The following EBF3 variants were observed in gnomAD, a reference collection of about 807,000 sequenced individuals.
The protein encoded by EBF3 is EBF transcription factor 3.
In EBF3, 18 loss-of-function variants were observed where a neutral mutation model predicts 77.1. That is an observed-to-expected ratio of 0.23 (90% CI 0.16 to 0.35). The LOEUF is 0.35. Among genes scored for constraint, EBF3 ranks in the 10% least tolerant of loss-of-function variants. The probability of loss-of-function intolerance (pLI) is 1.00; values close to 1 mark genes in which losing one functional copy is unlikely to be tolerated. For missense variants in EBF3, 558 were observed against 860.0 expected (o/e 0.65, Z 4.39); for synonymous variants, 350 against 343.5 (o/e 1.02, Z -0.21).
chr10:129,946,901 G>A (rs910394776), intron 6 of EBF3, among the ~76,000 whole-genome samples: 3 of 152,162 alleles, frequency 2.0e-5, no homozygotes, highest in Non-Finnish European at 2.9e-5. Context: ...GATAGTGATC[G>A]CTGGCCTCCC....
rs894785673 is a variant in EBF3 at position 129,885,416 on chromosome 10, G to A, written c.555-7567C>T. Among the ~76,000 whole-genome samples, 12 of 152,218 alleles carry A rather than the reference G, an allele frequency of 7.9e-5. No homozygotes were observed. In the East Asian group the frequency reaches 1.4e-3, roughly 17 times the overall value. On this transcript the variant is annotated intron_variant, in intron 6 of 16. Coordinates refer to ENST00000440978, the MANE Select transcript of EBF3 (RefSeq NM_001375380.1). This position sits in a 1 kb window ranked among gnomAD's most constrained non-coding sequence, Gnocchi z 4.0. ...CAAGCTTCGTCAGCCACCCCACTCC[G>A]CCCGCTGTCAGTGTTCTAGTTAGTA...
At chr10:129,926,988 C>T (rs545207697) in intron 6 of EBF3, among the ~76,000 whole-genome samples, 179 of 152,358 alleles carry the variant, frequency 1.2e-3, no homozygotes, top group African/African-American at 3.9e-3. Flanking sequence ...CATCCTCCAC[C>T]GTGGCCCCAG....
At chr10:129,877,662 C>T (rs539522923) in intron 7 of EBF3, 106 bp downstream of exon 7, 34 of 914,408 alleles carry the variant, frequency 3.7e-5, no homozygotes, top group East Asian at 1.3e-4. Context: ...TGCTTCCAAG[C>T]CCTTAAAGAA....
chr10:129,942,650 T>C lies in EBF3; in HGVS notation c.554+14608A>G, dbSNP rs541175633. Among the ~76,000 whole-genome samples the C allele has an allele frequency of 9.5e-4, 144 of 152,342 alleles. 6 individuals carry two copies. The South Asian group carries it at 0.029, about 30-fold the overall frequency. The stretch of plus-strand genomic sequence containing the variant: ...CACAGGGTGCATTCCAGAGATGGCC[T>C]CTCTGCTCTTTTACGCATGCCACGA... On this transcript the variant is annotated intron_variant, in intron 6 of 16. Transcript: ENST00000440978.
chr10:129,924,516 G>A (rs531734230), intron 6 of EBF3, among the ~76,000 whole-genome samples: 2 of 152,172 alleles, frequency 1.3e-5, no homozygotes, highest in East Asian at 3.9e-4. Flanking sequence ...ACCCCACTGT[G>A]GGTGTGGATG....
intron 6 of EBF3, among the ~76,000 whole-genome samples, chr10:129,930,544 T>C (rs936002520): frequency 1.4e-5 from 2 of 146,428 alleles, no homozygotes; most frequent in African/African-American, 2.6e-5. Context: ...CCCCCTCTCA[T>C]ATACCTATAT....
At chr10:129,877,688 T>C in intron 7 of EBF3, 80 bp downstream of exon 7, 1 of 1,257,664 alleles carries the variant, frequency 8.0e-7, no homozygotes, top group South Asian at 1.3e-5. Flanking sequence ...GATTACTTCC[T>C]GAACAGTTGC....
rs754352775 is a variant in EBF3, at chr10:129,897,294, G to A, written c.555-19445C>T. Reference sequence around the variant, plus strand: ...CCACTTTCCTGCAGGGACCTAGGAGGGTTGAAAGGAGATGAGGCCCATGGC... The same window carrying A: ...CCACTTTCCTGCAGGGACCTAGGAGAGTTGAAAGGAGATGAGGCCCATGGC... On this transcript the variant is annotated intron_variant, in intron 6 of 16. Transcript: ENST00000440978. The surrounding 1 kb of genome is among the most constrained non-coding windows in gnomAD (Gnocchi z 4.6). Among the ~76,000 whole-genome samples the A allele has an allele frequency of 2.0e-5, 3 of 152,176 alleles. No individual in the cohort carries two copies. The highest frequency in any genetic ancestry group is 4.8e-5 in the African/African-American group (2 of 41,444).
chr10:129,861,654 A>T lies in EBF3; in HGVS notation c.1039+5487T>A, dbSNP rs1220311536. ...GTGGCTGCAGGAGGGCCCACTGCAG[A>T]CAGGAACGAACAGTCAGCCACGGGG... is the stretch of plus-strand genomic sequence containing the variant. On this transcript the variant is annotated intron_variant, in intron 10 of 16. Coordinates refer to ENST00000440978, the MANE Select transcript of EBF3 (RefSeq NM_001375380.1). This position sits in a 1 kb window ranked among gnomAD's most constrained non-coding sequence, Gnocchi z 4.3. Among the ~76,000 whole-genome samples, 1 of 152,122 alleles carries T rather than the reference A, an allele frequency of 6.6e-6. No homozygotes were observed. The highest frequency in any genetic ancestry group is 1.5e-5 in the Non-Finnish European group (1 of 68,020).
rs1171503475 is a variant in EBF3, at chr10:129,885,919, G to T, written c.555-8070C>A. Among the ~76,000 whole-genome samples the T allele has an allele frequency of 6.6e-6, 1 of 152,070 alleles. No individual in the cohort carries two copies. Among genetic ancestry groups the T allele is most frequent in the Non-Finnish European group, 1.5e-5 (1 of 68,010 alleles). On this transcript the variant is annotated intron_variant, in intron 6 of 16. Transcript: ENST00000440978. The surrounding 1 kb of genome is among the most constrained non-coding windows in gnomAD (Gnocchi z 4.0). ...AGCCTCTCCCACCATACGCGTGTGT[G>T]TTTTTAGGGATCTGAAGATCACGGG...
chr10:129,873,618 GA>G lies in EBF3; in HGVS notation c.637-23del, dbSNP rs779965527. 4 of 1,502,502 alleles carry G rather than the reference GA, an allele frequency of 2.7e-6. No homozygotes were observed. In the African/African-American group the frequency reaches 4.2e-5, roughly 16 times the overall value. 93.1% of individuals were successfully genotyped at this position (1,502,502 alleles called of 1,614,324 possible). On this transcript the variant is annotated intron_variant, in intron 7 of 16. Transcript: ENST00000440978. ...CAACCTGCAAAGATGAAGTGGATTT[GA>G]AAATGGAATTGGCAAAGAAAAGCAG...
intron 6 of EBF3, among the ~76,000 whole-genome samples, chr10:129,907,356 G>C (rs910141857): frequency 4.6e-5 from 7 of 152,222 alleles, no homozygotes; most frequent in African/African-American, 1.7e-4. Flanking sequence ...CACTGACTTG[G>C]AATGCTCCAG....
intron 11 of EBF3, among the ~76,000 whole-genome samples, chr10:129,847,917 T>C (rs1010135286): frequency 6.6e-6 from 1 of 152,184 alleles, no homozygotes; most frequent in South Asian, 2.1e-4. Flanking sequence ...CAGGGACTTA[T>C]AACAAAAGCT....
intron 6 of EBF3, among the ~76,000 whole-genome samples, chr10:129,915,345 G>T (rs1450028598): frequency 6.6e-6 from 1 of 152,088 alleles, no homozygotes; most frequent in African/African-American, 2.4e-5. Flanking sequence ...GACAGGAAAG[G>T]GGGAGCAGTG....
chr10:129,883,785 C>T (rs1050129013), intron 6 of EBF3, among the ~76,000 whole-genome samples: 1 of 152,076 alleles, frequency 6.6e-6, no homozygotes, highest in Non-Finnish European at 1.5e-5. Flanking sequence ...ACAGCTGCTT[C>T]GTGGGTACAG....
Position 129,963,746 on chromosome 10 carries a change from A to T in EBF3, c.23T>A (p.Ile8Asn), listed in dbSNP as rs1402554286. Residue 8 changes from isoleucine to asparagine, a missense_variant, in exon 1 of 17, where the codon ATT becomes AAT. Ile to Asn is a moderately radical substitution (Grantham distance 149). Transcript: ENST00000440978. The surrounding 1 kb of genome is among the most constrained non-coding windows in gnomAD (Gnocchi z 7.1). Reference protein sequence around the residue: MFGIQENIPRGGTTMKEE... With the variant: MFGIQENNPRGGTTMKEE... ...CTTCATGGTCGTCCCCCCGCGCGGA[A>T]TATTCTCCTGAATCCCAAACATGAA... The T allele has an allele frequency of 6.6e-7, 1 of 1,525,030 alleles. No homozygotes were observed. 94.5% of individuals were successfully genotyped at this position (1,525,030 alleles called of 1,614,324 possible).
At chr10:129,926,919 C>T (rs1039268972) in intron 6 of EBF3, among the ~76,000 whole-genome samples, 1 of 152,198 alleles carries the variant, frequency 6.6e-6, no homozygotes, top group Non-Finnish European at 1.5e-5. Context: ...TCCCGGGGGA[C>T]AGGCTGCAAG....
chr10:129,962,946 G>A lies in EBF3; in HGVS notation c.351C>T (p.Ser117=), dbSNP rs138726781. The change falls in exon 3 of 17, where the codon AGC becomes AGT. Residue 117 remains serine, a synonymous_variant. Coordinates refer to ENST00000440978, the MANE Select transcript of EBF3 (RefSeq NM_001375380.1). The stretch of plus-strand genomic sequence containing the variant: ...GAGCACGCAGCAGGCACTTACCGTT[G>A]CTGTACAATAACTGGAGTTTATAGT... ...GIHYKLQLLY[S]NGVRTEQDLY... The A allele has an allele frequency of 3.1e-6, 5 of 1,614,062 alleles. No homozygotes were observed. The highest frequency in any genetic ancestry group is 4.2e-6 in the Non-Finnish European group (5 of 1,179,974).
chr10:129,915,321 T>C (rs1019051805), intron 6 of EBF3, among the ~76,000 whole-genome samples: 1 of 152,156 alleles, frequency 6.6e-6, no homozygotes, highest in Non-Finnish European at 1.5e-5. Context: ...GGGGTTCCTC[T>C]TGTTGGCATC....
Sources: gnomAD v4.1 joint callset for allele counts (sites outside exome capture counted in the v4.1 genomes callset) on GRCh38, gnomAD v4.1.1 for gene constraint, Gnocchi (gnomAD v3.1) non-coding constraint, MANE v1.5 for transcripts, NCBI Gene and HGNC (gene_info 2026-07-23, HGNC 2026-07-21) for gene names.